The following TENM2 variants were observed in gnomAD, a reference collection of about 807,000 sequenced individuals.
The protein encoded by TENM2 is teneurin transmembrane protein 2, also known as teneurin-2.
A neutral mutation model predicts 245.2 loss-of-function variants in TENM2; 52 were observed. The observed-to-expected ratio is 0.21, with a 90% confidence interval of 0.17 to 0.27. The LOEUF (loss-of-function observed/expected upper bound fraction) is 0.27. Ranked by LOEUF, TENM2 falls within the 10% of genes least tolerant of loss-of-function variation. The probability of loss-of-function intolerance (pLI) is 1.00; values close to 1 mark genes in which losing one functional copy is unlikely to be tolerated. For missense variants in TENM2, 3,046 were observed against 3,666.8 expected, an observed-to-expected ratio of 0.83 and a Z score of 4.37; for synonymous variants, 1,363 against 1,438.9, an observed-to-expected ratio of 0.95 and a Z score of 1.19.
chr5:167,356,180 T>C (rs1759305613), intron 1 of TENM2, among the ~76,000 whole-genome samples: 1 of 82,768 alleles, frequency 1.2e-5, no homozygotes. Flanking sequence ...TGAGCGAGAC[T>C]CCATCTCAAA....
intron 5 of TENM2, among the ~76,000 whole-genome samples, chr5:168,012,016 G>A (rs1048638500): frequency 6.6e-6 from 1 of 152,110 alleles, no homozygotes; most frequent in African/African-American, 2.4e-5. Flanking sequence ...GAAAATATAG[G>A]TCTGTTTAAC....
chr5:167,722,174 C>T (rs548746091), intron 2 of TENM2, among the ~76,000 whole-genome samples: 2 of 152,308 alleles, frequency 1.3e-5, no homozygotes, highest in African/African-American at 4.8e-5. Flanking sequence ...TCTGCCTCCC[C>T]TCAGGCACTG....
chr5:167,052,745 G>A, the TENM2 span, among the ~76,000 whole-genome samples: 6 of 151,352 alleles, frequency 4.0e-5, no homozygotes, highest in African/African-American at 7.3e-5. Flanking sequence ...AGTTTACATC[G>A]TAAGCTAAGA....
intron 2 of TENM2, among the ~76,000 whole-genome samples, chr5:167,852,176 G>A (rs1278434683): frequency 6.6e-6 from 1 of 152,160 alleles, no homozygotes; most frequent in Non-Finnish European, 1.5e-5. Flanking sequence ...CGTTTGTAAG[G>A]TTTTCCAAGC....
At chr5:167,075,663 C>A in the TENM2 span, among the ~76,000 whole-genome samples, 2 of 152,238 alleles carry the variant, frequency 1.3e-5, no homozygotes, top group East Asian at 1.9e-4. Context: ...TGTGATAGGG[C>A]AGTATTTTCA....
chr5:168,195,385 C>T (rs1230129126), intron 15 of TENM2, 90 bp downstream of exon 17: 2 of 1,461,332 alleles, frequency 1.4e-6, no homozygotes, highest in East Asian at 5.0e-5. Context: ...CCACAGGATT[C>T]CCCCTGGTGG....
the TENM2 span, among the ~76,000 whole-genome samples, chr5:167,110,534 A>G: frequency 2.6e-5 from 4 of 152,214 alleles, no homozygotes; most frequent in African/African-American, 9.6e-5. Context: ...ATTATGAGCC[A>G]ATGTACATAT....
intron 2 of TENM2, among the ~76,000 whole-genome samples, chr5:167,563,034 A>G (rs1461547699): frequency 1.3e-5 from 2 of 152,048 alleles, no homozygotes; most frequent in Non-Finnish European, 2.9e-5. Flanking sequence ...CCTAAATGCC[A>G]GTGTGTCACA....
chr5:168,116,399 A>G (rs1457226730), intron 9 of TENM2, among the ~76,000 whole-genome samples: 3 of 152,174 alleles, frequency 2.0e-5, no homozygotes, highest in Admixed American at 6.5e-5. Context: ...TATGTCAACT[A>G]TTGAGATACT....
intron 3 of TENM2, among the ~76,000 whole-genome samples, chr5:167,947,648 T>C (rs1779740675): frequency 6.6e-6 from 1 of 152,162 alleles, no homozygotes. Context: ...AACCAGAGAT[T>C]CTCAAGTCTC....
the TENM2 span, among the ~76,000 whole-genome samples, chr5:167,172,686 C>T: frequency 6.8e-6 from 1 of 146,584 alleles, no homozygotes; most frequent in African/African-American, 2.5e-5. Context: ...GTGCAGTGGT[C>T]CTGCTGCTTC....
chr5:166,988,636 G>A, the TENM2 span, among the ~76,000 whole-genome samples: 4 of 152,190 alleles, frequency 2.6e-5, no homozygotes, highest in Non-Finnish European at 5.9e-5. Context: ...GAAAAGAAAT[G>A]TGTTAGAAGG....
chr5:167,926,085 C>T (rs914314866), intron 3 of TENM2, among the ~76,000 whole-genome samples: 5 of 152,060 alleles, frequency 3.3e-5, no homozygotes, highest in South Asian at 4.2e-4. Context: ...AAAACCTTCA[C>T]GTGTACCCTC....
At chr5:167,987,863 A>G (rs193055873) in intron 4 of TENM2, among the ~76,000 whole-genome samples, 243 of 152,320 alleles carry the variant, frequency 1.6e-3, no homozygotes, top group African/African-American at 5.4e-3. Flanking sequence ...TCTTCTAAAG[A>G]TTAGTGACAC....
At chr5:167,130,124 G>A in the TENM2 span, among the ~76,000 whole-genome samples, 1 of 152,092 alleles carries the variant, frequency 6.6e-6, no homozygotes, top group South Asian at 2.1e-4. Flanking sequence ...AGGATATAAT[G>A]GCATAAACTA....
chr5:167,471,452 ACT>A (rs1245197013), intron 2 of TENM2, among the ~76,000 whole-genome samples: 6 of 152,152 alleles, frequency 3.9e-5, no homozygotes, highest in African/African-American at 1.2e-4. Context: ...CAATAACAAA[ACT>A]CTAAGAATAA....
intron 14 of TENM2, among the ~76,000 whole-genome samples, chr5:168,192,574 A>G (rs996588237): frequency 6.6e-6 from 1 of 152,146 alleles, no homozygotes; most frequent in Non-Finnish European, 1.5e-5. Flanking sequence ...TAATCTTTCT[A>G]TTTTATTTGA....
intron 2 of TENM2, among the ~76,000 whole-genome samples, chr5:167,809,825 T>A (rs1417236707): frequency 6.6e-6 from 1 of 152,010 alleles, no homozygotes; most frequent in Admixed American, 6.6e-5. Flanking sequence ...TAAATTTTGG[T>A]GATAGAAAAA....
At chr5:168,232,526 G>A (rs937613083) in intron 25 of TENM2, among the ~76,000 whole-genome samples, 1 of 152,224 alleles carries the variant, frequency 6.6e-6, no homozygotes, top group Non-Finnish European at 1.5e-5. Context: ...CCCATGTGGA[G>A]AGCAGGGATT....
Sources: allele counts gnomAD v4.1 joint callset (sites outside exome capture counted in the v4.1 genomes callset), GRCh38; gene constraint gnomAD v4.1.1; transcripts MANE v1.5; gene names NCBI Gene and HGNC (gene_info 2026-07-23, HGNC 2026-07-21).